Variants in EYS observed in about 807,000 individuals in gnomAD.
EYS encodes protein eyes shut homolog.
In EYS, 250 loss-of-function variants were observed where a neutral mutation model predicts 282.1. That is an observed-to-expected ratio of 0.89 (90% CI 0.80 to 0.98). The LOEUF (loss-of-function observed/expected upper bound fraction) is 0.98, where lower values mean the gene tolerates loss of function less well. Ranked by LOEUF, EYS falls within the 50% of genes least tolerant of loss-of-function variation. EYS has a pLI of 0.00. For synonymous variants in EYS, 1,355 were observed against 1,282.9 expected (o/e 1.06, Z -1.20); for missense variants, 4,016 against 3,709.0 (o/e 1.08, Z -2.15).
intron 22 of EYS, among the ~76,000 whole-genome samples, chr6:64,676,542 C>T (rs977910855): frequency 6.6e-6 from 1 of 152,026 alleles, no homozygotes; most frequent in African/African-American, 2.4e-5. Context: ...TAGTGCAATA[C>T]ATACCAGTAA....
chr6:64,685,296 C>A (rs2349511), intron 22 of EYS, among the ~76,000 whole-genome samples: 1 of 152,058 alleles, frequency 6.6e-6, no homozygotes, highest in Admixed American at 6.5e-5. Flanking sequence ...TTTATAAATA[C>A]TTGATTTAAA....
In EYS at chr6:64,160,994, T is replaced by C. The variant is rs191588168; in HGVS notation, c.6424+69598A>G. 2.7e-3 allele frequency among the ~76,000 whole-genome samples: 407 copies of C among 152,284 alleles called. 1 individual carries two copies. The highest frequency in any genetic ancestry group is 9.1e-3 in the African/African-American group (377 of 41,544). On this transcript the variant is annotated intron_variant, in intron 31 of 42. Transcript: ENST00000503581. ...AAAGCCTCACAGGCCTCAGAGAATATCATTATAAATGATTTTATTCATTTC... is the reference window on the plus strand; with the variant it reads ...AAAGCCTCACAGGCCTCAGAGAATACCATTATAAATGATTTTATTCATTTC...
At chr6:65,467,937 A>T (rs1420267341) in intron 5 of EYS, among the ~76,000 whole-genome samples, 1 of 152,124 alleles carries the variant, frequency 6.6e-6, no homozygotes, top group East Asian at 1.9e-4. Flanking sequence ...ACTAGAAGGG[A>T]TTAATTACTA....
chr6:64,106,914 A>G (rs1393905911), intron 31 of EYS, among the ~76,000 whole-genome samples: 1 of 150,590 alleles, frequency 6.6e-6, no homozygotes, highest in Non-Finnish European at 1.5e-5. Flanking sequence ...CTATTGACAT[A>G]TCCTCAAGCT....
chr6:65,269,291 T>C (rs1045641732), intron 12 of EYS, among the ~76,000 whole-genome samples: 4 of 152,150 alleles, frequency 2.6e-5, no homozygotes, highest in Non-Finnish European at 4.4e-5. Context: ...CTAGATTATC[T>C]TGGAGTTTAG....
chr6:65,373,176 G>A (rs1765228948), intron 8 of EYS, among the ~76,000 whole-genome samples: 1 of 152,116 alleles, frequency 6.6e-6, no homozygotes, highest in Non-Finnish European at 1.5e-5. Context: ...GAGCCACTCT[G>A]TGAATTCCAA....
chr6:65,104,353 C>G (rs1208220129), intron 12 of EYS, among the ~76,000 whole-genome samples: 4 of 151,378 alleles, frequency 2.6e-5, no homozygotes, highest in Non-Finnish European at 5.9e-5. Flanking sequence ...ATATCAATTA[C>G]TGACACATTT....
chr6:64,968,261 A>AT (rs999573349), intron 14 of EYS, among the ~76,000 whole-genome samples: 10 of 151,576 alleles, frequency 6.6e-5, no homozygotes, highest in Non-Finnish European at 1.3e-4. Flanking sequence ...TTGACCCAAG[A>AT]TTTTTTTTTA....
At chr6:64,589,264 C>A (rs552039595) in intron 26 of EYS, among the ~76,000 whole-genome samples, 5 of 151,994 alleles carry the variant, frequency 3.3e-5, no homozygotes, top group Admixed American at 2.0e-4. Flanking sequence ...AATAGAATGA[C>A]TTGTTCTTTC....
intron 12 of EYS, among the ~76,000 whole-genome samples, chr6:65,090,670 G>A (rs1349766779): frequency 6.6e-6 from 1 of 152,142 alleles, no homozygotes; most frequent in African/African-American, 2.4e-5. Context: ...CTACCAGTGT[G>A]TCATAAATCC....
intron 35 of EYS, among the ~76,000 whole-genome samples, chr6:63,923,460 T>C (rs1295687614): frequency 6.6e-6 from 1 of 152,200 alleles, no homozygotes; most frequent in Non-Finnish European, 1.5e-5. Context: ...TTTTTAAAGA[T>C]GCTAATTAGA....
At chr6:63,974,207 A>C (rs1185891024) in intron 35 of EYS, among the ~76,000 whole-genome samples, 1 of 152,122 alleles carries the variant, frequency 6.6e-6, no homozygotes, top group Non-Finnish European at 1.5e-5. Context: ...AGTGGTTAAC[A>C]CAATTTACCA....
At chr6:64,895,296 A>G (rs1767424098) in intron 18 of EYS, among the ~76,000 whole-genome samples, 1 of 152,236 alleles carries the variant, frequency 6.6e-6, no homozygotes, top group Non-Finnish European at 1.5e-5. Flanking sequence ...GCTATGACAT[A>G]GAAAATTAAT....
chr6:64,870,819 A>G (rs567352361), intron 19 of EYS, among the ~76,000 whole-genome samples: 1 of 152,008 alleles, frequency 6.6e-6, no homozygotes, highest in South Asian at 2.1e-4. Context: ...ACTTAAAGGC[A>G]TATTTGAGCA....
chr6:64,643,118 C>CCT (rs1335805051), intron 22 of EYS, among the ~76,000 whole-genome samples: 1 of 118,892 alleles, frequency 8.4e-6, no homozygotes, highest in Admixed American at 9.3e-5. Context: ...TCCATCCCCC[C>CCT]CCCCAAAAAA....
intron 35 of EYS, among the ~76,000 whole-genome samples, chr6:63,897,084 C>T (rs1773554444): frequency 6.6e-6 from 1 of 152,198 alleles, no homozygotes; most frequent in African/African-American, 2.4e-5. Context: ...ATGTCGTGAT[C>T]TCTCCTTTCC....
At chr6:64,816,855 C>G (rs974095131) in intron 21 of EYS, among the ~76,000 whole-genome samples, 13 of 151,580 alleles carry the variant, frequency 8.6e-5, no homozygotes, top group African/African-American at 2.9e-4. Flanking sequence ...GAGCAATAGA[C>G]TTAAAATATC....
At chr6:64,167,392 A>G (rs972000538) in intron 31 of EYS, among the ~76,000 whole-genome samples, 1 of 152,198 alleles carries the variant, frequency 6.6e-6, no homozygotes, top group Admixed American at 6.5e-5. Flanking sequence ...AATGATAAGA[A>G]CTTTTCACAA....
chr6:63,804,151 G>A (rs1330447455), intron 37 of EYS, among the ~76,000 whole-genome samples: 1 of 152,100 alleles, frequency 6.6e-6, no homozygotes, highest in Non-Finnish European at 1.5e-5. Context: ...CAAGTAGCTA[G>A]GATTACAGGT....
Sources: allele counts gnomAD v4.1 joint callset (sites outside exome capture counted in the v4.1 genomes callset), GRCh38; gene constraint gnomAD v4.1.1; transcripts MANE v1.5; gene names NCBI Gene and HGNC (gene_info 2026-07-23, HGNC 2026-07-21).